Variants in SNTG2 observed in about 807,000 individuals in gnomAD.
The protein encoded by SNTG2 is gamma-2-syntrophin.
Under a neutral mutation model 70.9 loss-of-function variants are expected in SNTG2, and 74 were observed. The ratio of observed to expected loss-of-function variants is 1.04; its 90% CI spans 0.86 to 1.27. The LOEUF (loss-of-function observed/expected upper bound fraction) is 1.27. Ranked by LOEUF, SNTG2 falls within the 50% of genes most tolerant of loss-of-function variation. The pLI is 0.00. For missense variants in SNTG2, 717 were observed against 690.7 expected (o/e 1.04, Z -0.43); for synonymous variants, 278 against 273.8 (o/e 1.02, Z -0.15).
chr2:1,185,210 C>T lies in SNTG2; in HGVS notation c.591+12027C>T, dbSNP rs1672171330. On this transcript the variant is annotated intron_variant, in intron 8 of 16. Coordinates refer to ENST00000308624, the MANE Select transcript of SNTG2 (RefSeq NM_018968.4). ...GATGCAAGGGGTGGGCTCTTAAGGC[C>T]TTGGGCAGCCCCACTGCTGTGGCTC... 2.0e-5 allele frequency among the ~76,000 whole-genome samples: 3 copies of T among 152,336 alleles called. No individual in the cohort carries two copies. The South Asian group carries it at 6.2e-4, about 32-fold the overall frequency.
chr2:964,641 A>G (rs946109664), intron 1 of SNTG2, among the ~76,000 whole-genome samples: 1 of 152,138 alleles, frequency 6.6e-6, no homozygotes, highest in Non-Finnish European at 1.5e-5. Flanking sequence ...AGCCTTTGAA[A>G]GCCTCCCCTG....
chr2:1,337,375 C>T (rs1374090255), intron 16 of SNTG2, among the ~76,000 whole-genome samples: 2 of 152,190 alleles, frequency 1.3e-5, no homozygotes, highest in East Asian at 1.9e-4. Flanking sequence ...TAGGAGAGTA[C>T]TGGCCATCCT....
At chr2:977,179 T>C (rs1323153980) in intron 1 of SNTG2, among the ~76,000 whole-genome samples, 1 of 152,262 alleles carries the variant, frequency 6.6e-6, no homozygotes, top group East Asian at 1.9e-4. Context: ...CAGTACACGC[T>C]GTAAGTATAT....
intron 4 of SNTG2, among the ~76,000 whole-genome samples, chr2:1,135,434 C>T (rs1318663586): frequency 6.6e-6 from 1 of 152,132 alleles, no homozygotes; most frequent in African/African-American, 2.4e-5. Flanking sequence ...AAACACATTA[C>T]CTCGGCCAGG....
intron 16 of SNTG2, among the ~76,000 whole-genome samples, chr2:1,326,341 AT>A (rs148299569): frequency 0.019 from 2,824 of 152,308 alleles, 45 homozygotes; most frequent in Non-Finnish European, 0.03. Context: ...TTCAAAAATT[AT>A]TTTAAGGTCA....
At chr2:1,183,542 A>G (rs1672062238) in intron 8 of SNTG2, among the ~76,000 whole-genome samples, 1 of 152,204 alleles carries the variant, frequency 6.6e-6, no homozygotes, top group Middle Eastern at 3.2e-3. Context: ...GTAAGGCTGG[A>G]CAGATAGAGA....
At chr2:1,166,571 TC>T (rs1558481038) in intron 7 of SNTG2, among the ~76,000 whole-genome samples, 1 of 152,116 alleles carries the variant, frequency 6.6e-6, no homozygotes. Flanking sequence ...TGAGTTCTGA[TC>T]ATGCATTGGG....
intron 1 of SNTG2, among the ~76,000 whole-genome samples, chr2:1,007,408 C>G (rs762321924): frequency 1.8e-4 from 28 of 152,148 alleles, no homozygotes; most frequent in Non-Finnish European, 3.1e-4. Flanking sequence ...ACATTTAGAC[C>G]TGACTTGCCC....
intron 11 of SNTG2, among the ~76,000 whole-genome samples, chr2:1,245,270 T>TAAAAAAAAAGGA (rs1677356062): frequency 7.0e-6 from 1 of 143,344 alleles, no homozygotes; most frequent in Non-Finnish European, 1.5e-5. Context: ...AGTATAATAA[T>TAAAAAAAAAGGA]AAAAAAAAAG....
rs1660700476 is a variant in SNTG2 at position 1,353,719 on chromosome 2, C to T, written c.1489-13624C>T. ...AGGTAATGATTGGGAAAACTAAGAA[C>T]CCAGGATGGCTGCTCATCGGAGGGG... On this transcript the variant is annotated intron_variant, in intron 16 of 16. Coordinates refer to ENST00000308624, the MANE Select transcript of SNTG2 (RefSeq NM_018968.4). This position sits in a 1 kb window ranked among gnomAD's most constrained non-coding sequence, Gnocchi z 4.2. 1 of 152,182 alleles carries T rather than the reference C, an allele frequency of 6.6e-6. No individual in the cohort carries two copies. The highest frequency in any genetic ancestry group is 6.5e-5 in the Admixed American group (1 of 15,270). The allele number at this position is 152,182 out of a possible 1,614,324, so 9.4% of individuals were successfully genotyped here.
In SNTG2 at chr2:1,242,402, C is replaced by A. The variant is rs183474612; in HGVS notation, c.888+2626C>A. 2.9e-3 allele frequency among the ~76,000 whole-genome samples: 438 copies of A among 151,970 alleles called. 4 individuals carry two copies. The highest frequency in any genetic ancestry group is 0.01 in the African/African-American group (419 of 41,446). ...ACTGAAATTGGCAAACAAAAACACA[C>A]AAAAAACAGAATTAGGAGAATACTA... On this transcript the variant is annotated intron_variant, in intron 11 of 16. Coordinates refer to ENST00000308624, the MANE Select transcript of SNTG2 (RefSeq NM_018968.4).
At chr2:1,153,597 T>G (rs1313544911) in intron 6 of SNTG2, among the ~76,000 whole-genome samples, 1 of 152,222 alleles carries the variant, frequency 6.6e-6, no homozygotes, top group Non-Finnish European at 1.5e-5. Context: ...TTAAATGCAC[T>G]TGTCTAAGTG....
chr2:1,328,304 C>A (rs912645797), intron 16 of SNTG2, among the ~76,000 whole-genome samples: 5 of 152,160 alleles, frequency 3.3e-5, no homozygotes, highest in African/African-American at 1.2e-4. Flanking sequence ...TAGACACGTA[C>A]ATGCATGCAG....
intron 14 of SNTG2, among the ~76,000 whole-genome samples, chr2:1,300,154 C>G (rs528162166): frequency 6.6e-6 from 1 of 151,762 alleles, no homozygotes; most frequent in South Asian, 2.1e-4. Flanking sequence ...CTGTTACCAT[C>G]GCCGCTCTGA....
intron 1 of SNTG2, among the ~76,000 whole-genome samples, chr2:970,806 A>G (rs1317028629): frequency 3.9e-5 from 6 of 152,022 alleles, no homozygotes; most frequent in Non-Finnish European, 8.8e-5. Flanking sequence ...GCTGGGTCAA[A>G]TGGTATTTCT....
chr2:1,075,769 G>A (rs1269859181), intron 1 of SNTG2, among the ~76,000 whole-genome samples: 3 of 152,066 alleles, frequency 2.0e-5, no homozygotes, highest in African/African-American at 7.2e-5. Context: ...TCTTTCTTGT[G>A]CCAAAAAATG....
At chr2:1,012,897 G>A (rs1659778233) in intron 1 of SNTG2, among the ~76,000 whole-genome samples, 1 of 56,900 alleles carries the variant, frequency 1.8e-5, no homozygotes, top group Admixed American at 1.7e-4. Flanking sequence ...GCAGAGAGAA[G>A]GGTGGTCTGG....
At chr2:1,058,100 T>C (rs1393555008) in intron 1 of SNTG2, among the ~76,000 whole-genome samples, 1 of 151,998 alleles carries the variant, frequency 6.6e-6, no homozygotes, top group African/African-American at 2.4e-5. Flanking sequence ...TGTATCTGCA[T>C]TCTTTTCTGC....
At chr2:1,113,685 T>A (rs1666694898) in intron 4 of SNTG2, among the ~76,000 whole-genome samples, 1 of 149,974 alleles carries the variant, frequency 6.7e-6, no homozygotes, top group African/African-American at 2.5e-5. Flanking sequence ...GGTTTAACCC[T>A]TACAGTCCTT....
Sources: allele counts gnomAD v4.1 joint callset (sites outside exome capture counted in the v4.1 genomes callset), GRCh38; gene constraint gnomAD v4.1.1; non-coding constraint Gnocchi (gnomAD v3.1); transcripts MANE v1.5; gene names NCBI Gene and HGNC (gene_info 2026-07-23, HGNC 2026-07-21).